KRT72: variants seen among roughly 807,000 people sequenced by gnomAD.
The protein encoded by KRT72 is keratin 72, also known as keratin, type II cytoskeletal 72.
In KRT72, 44 loss-of-function variants were observed where a neutral mutation model predicts 44.7. The observed-to-expected ratio is 0.98, with a 90% CI of 0.77 to 1.27. KRT72 has a LOEUF of 1.27. Among genes scored for constraint, KRT72 ranks in the 50% most tolerant of loss-of-function variants. The probability of loss-of-function intolerance (pLI) is 0.00; values close to 1 mark genes in which losing one functional copy is unlikely to be tolerated. For synonymous variants in KRT72, 302 were observed against 280.4 expected, an observed-to-expected ratio of 1.08 and a Z score of -0.77; for missense variants, 736 against 667.1, an observed-to-expected ratio of 1.10 and a Z score of -1.14.
chr12:52,598,633 AG>A (rs1940301074), intron 2 of KRT72, among the ~76,000 whole-genome samples: 1 of 152,210 alleles, frequency 6.6e-6, no homozygotes, highest in South Asian at 2.1e-4. Context: ...GGAACTACAA[AG>A]GCATTTGGGT....
intron 5 of KRT72, 149 bp downstream of exon 5, chr12:52,591,315 C>G (rs191780767): frequency 1.2e-5 from 10 of 831,176 alleles, no homozygotes; most frequent in Admixed American, 5.6e-5. Flanking sequence ...GGCATTTCCG[C>G]AAGGCCCAAC....
chr12:52,588,599 G>T (rs567362763), intron 6 of KRT72, among the ~76,000 whole-genome samples: 39 of 151,940 alleles, frequency 2.6e-4, no homozygotes, highest in African/African-American at 9.2e-4. Context: ...GGGTTGATAG[G>T]TGCAGCAAAC....
intron 1 of KRT72, 56 bp from the exon 2 acceptor site, chr12:52,599,168 T>C (rs2120810489): frequency 6.4e-7 from 1 of 1,570,452 alleles, no homozygotes; most frequent in Non-Finnish European, 8.7e-7. Flanking sequence ...CTCTCAAGAG[T>C]GGGGAAAGGG....
intron 3 of KRT72, 44 bp from the exon 4 acceptor site, chr12:52,592,535 T>G: frequency 7.1e-7 from 1 of 1,408,322 alleles, no homozygotes; most frequent in African/African-American, 1.4e-5. Flanking sequence ...GGGCCTCCCC[T>G]GCCCATCCCT....
Position 52,601,270 on chromosome 12 carries a change from G to T in KRT72, c.183C>A (p.Ser61Arg). The T allele has an allele frequency of 1.9e-6, 3 of 1,556,754 alleles. No individual in the cohort carries two copies. The highest frequency in any genetic ancestry group is 2.6e-6 in the Non-Finnish European group (3 of 1,151,328). The change falls in exon 1 of 9, where the codon AGC becomes AGA. Residue 61 changes from serine to arginine, a missense_variant. Ser to Arg is a moderately radical substitution (Grantham distance 110). Transcript: ENST00000293745. ...GGCCGCCGCCCCGCCGTGCAGCAGCGCTGAGCGCCAGGCTTCGGCTGCCCC... is the reference window on the plus strand; with the variant it reads ...GGCCGCCGCCCCGCCGTGCAGCAGCTCTGAGCGCCAGGCTTCGGCTGCCCC... ...CLGGSRSLAL[S>R]AAARRGGGRL... is the part of the protein sequence containing the mutation.
chr12:52,600,152 C>T (rs1258896278), intron 1 of KRT72, among the ~76,000 whole-genome samples: 1 of 152,132 alleles, frequency 6.6e-6, no homozygotes, highest in African/African-American at 2.4e-5. Flanking sequence ...ACTTTACATG[C>T]ACTCTTTCCA....
rs1387891118 is a variant in KRT72 at position 52,587,926 on chromosome 12, T to G, written c.1090-75A>C. ...ATCTTGCTTGGACAACCTCCCCTTGTTTTGTCCTGACTGATGGCAACTGCT... is the reference window on the plus strand; with the variant it reads ...ATCTTGCTTGGACAACCTCCCCTTGGTTTGTCCTGACTGATGGCAACTGCT... On this transcript the variant is annotated intron_variant, in intron 6 of 8. Coordinates refer to ENST00000293745, the MANE Select transcript of KRT72 (RefSeq NM_080747.3). 2 of 1,422,396 alleles carry G rather than the reference T, an allele frequency of 1.4e-6. 1 individual carries two copies. The allele number at this position is 1,422,396 out of a possible 1,614,324, so 88.1% of individuals were successfully genotyped here. A position where few individuals can be genotyped will look rare whatever the true frequency, so the allele number is the denominator to read the frequency against.
At chr12:52,600,540 C>T (rs1382615518) in intron 1 of KRT72, among the ~76,000 whole-genome samples, 3 of 152,086 alleles carry the variant, frequency 2.0e-5, no homozygotes, top group Non-Finnish European at 4.4e-5. Flanking sequence ...TCATAGGGGC[C>T]GGTCTTTCTC....
Position 52,585,723 on chromosome 12 carries a change from C to T in KRT72, c.*259G>A, listed in dbSNP as rs1939709461. The T allele has an allele frequency of 7.0e-6, 3 of 428,738 alleles. No homozygotes were observed. The highest frequency in any genetic ancestry group is 8.1e-5 in the East Asian group (2 of 24,570). The allele number at this position is 428,738 out of a possible 1,614,324, so 26.6% of individuals were successfully genotyped here. On this transcript the variant is annotated 3_prime_UTR_variant, in exon 9 of 9. Transcript: ENST00000293745. ...GGGCTTGTAGCTGGCCTTGGGGAAA[C>T]ATCCTGGGTAAGTGTTGTCTTTGCA...
chr12:52,600,733 T>G (rs1940407075), intron 1 of KRT72, among the ~76,000 whole-genome samples: 1 of 151,932 alleles, frequency 6.6e-6, no homozygotes, highest in Admixed American at 6.5e-5. Flanking sequence ...AACCTCTTTT[T>G]TTTTTTCCCA....
chr12:52,600,611 C>T lies in KRT72; in HGVS notation c.426+416G>A, dbSNP rs148410526. ...ATCTGATGCGTTTATCAGGGGTTTCCGTTTTTGCTTCTGCCTCATTTTTCT... is the reference window on the plus strand; with the variant it reads ...ATCTGATGCGTTTATCAGGGGTTTCTGTTTTTGCTTCTGCCTCATTTTTCT... On this transcript the variant is annotated intron_variant, in intron 1 of 8. Coordinates refer to ENST00000293745, the MANE Select transcript of KRT72 (RefSeq NM_080747.3). 1.8e-3 allele frequency among the ~76,000 whole-genome samples: 269 copies of T among 152,220 alleles called. 1 individual carries two copies. The highest frequency in any genetic ancestry group is 6.1e-3 in the African/African-American group (254 of 41,516).
intron 2 of KRT72, among the ~76,000 whole-genome samples, chr12:52,595,640 G>A (rs913426499): frequency 3.9e-5 from 6 of 152,344 alleles, no homozygotes; most frequent in African/African-American, 1.4e-4. Context: ...AAATGTGCCA[G>A]TGTGTGTATT....
chr12:52,587,481 T>C, intron 7 of KRT72, 150 bp downstream of exon 7: 1 of 814,490 alleles, frequency 1.2e-6, no homozygotes, highest in Non-Finnish European at 2.0e-6. Context: ...TCTTGCTGTC[T>C]AACTTTGGCC....
At chr12:52,596,917 T>G (rs541847582) in intron 2 of KRT72, among the ~76,000 whole-genome samples, 1 of 151,448 alleles carries the variant, frequency 6.6e-6, no homozygotes, top group Non-Finnish European at 1.5e-5. Context: ...CATAAAAATA[T>G]ATTATAACAA....
intron 6 of KRT72, among the ~76,000 whole-genome samples, chr12:52,590,263 G>T (rs185393521): frequency 1.3e-5 from 2 of 152,192 alleles, no homozygotes; most frequent in South Asian, 2.1e-4. Context: ...AAGGCCCCAC[G>T]CTAGTGCAGG....
chr12:52,587,731 C>T lies in KRT72; in HGVS notation c.1210G>A (p.Ala404Thr). ...TCCTGGTACTCACGCAGCATCCGTG[C>T]CAGCTCCTCCTTGGCCTGGTGCAGG... ...GALHQAKEEL[A>T]RMLREYQELV... The change falls in exon 7 of 9, where the codon GCA becomes ACA. Residue 404 changes from alanine to threonine, a missense_variant. Transcript: ENST00000293745. 1.9e-6 allele frequency: 3 copies of T among 1,614,194 alleles called. No homozygotes were observed. The highest frequency in any genetic ancestry group is 2.2e-5 in the East Asian group (1 of 44,872).
intron 6 of KRT72, among the ~76,000 whole-genome samples, chr12:52,589,838 T>G (rs1314437304): frequency 6.6e-6 from 1 of 152,222 alleles, no homozygotes; most frequent in African/African-American, 2.4e-5. Flanking sequence ...TAGCATTTCA[T>G]TAGTTAAACA....
Position 52,586,002 on chromosome 12 carries a change from T to G in KRT72, c.1516A>C (p.Thr506Pro). ...GTCCATCATCTGGAGGCCTTTTTGG[T>G]GGCACAGCTGCTCCCCGAGGTTTTG... is the stretch of plus-strand genomic sequence containing the variant. Reference protein sequence around the residue: ...LAKTSGSSCATKKASR With the variant: ...LAKTSGSSCAPKKASR Residue 506 changes from threonine (T) to proline (P), a missense_variant, in exon 9 of 9, where the codon ACC becomes CCC. Physicochemically the swap from Thr to Pro is conservative, Grantham distance 38. Coordinates refer to ENST00000293745, the MANE Select transcript of KRT72 (RefSeq NM_080747.3). The G allele has an allele frequency of 6.2e-7, 1 of 1,613,536 alleles. No homozygotes were observed.
At chr12:52,591,983 G>A (rs921918051) in intron 4 of KRT72, among the ~76,000 whole-genome samples, 19 of 152,102 alleles carry the variant, frequency 1.2e-4, no homozygotes, top group African/African-American at 2.2e-4. Context: ...AGGCCTCTGC[G>A]CCCTTCTTCA....
Sources: gnomAD v4.1 joint callset for allele counts (sites outside exome capture counted in the v4.1 genomes callset) on GRCh38, gnomAD v4.1.1 for gene constraint, MANE v1.5 for transcripts, NCBI Gene and HGNC (gene_info 2026-07-23, HGNC 2026-07-21) for gene names.